The following CDH9 variants were observed in gnomAD, a reference collection of about 807,000 sequenced individuals.
The protein encoded by CDH9 is cadherin-9.
Under a neutral mutation model 70.9 loss-of-function variants are expected in CDH9, and 28 were observed. The ratio of observed to expected loss-of-function variants is 0.40; its 90% CI spans 0.29 to 0.54. The LOEUF (loss-of-function observed/expected upper bound fraction) is 0.54. CDH9 is among the 20% of genes least tolerant of loss of function. The pLI, the probability that CDH9 is intolerant of heterozygous loss-of-function variation, is 0.59. For synonymous variants in CDH9, 409 were observed against 343.1 expected (o/e 1.19, Z -2.12); for missense variants, 874 against 984.4 (o/e 0.89, Z 1.50).
intron 2 of CDH9, among the ~76,000 whole-genome samples, chr5:26,974,153 A>G (rs985895688): frequency 6.6e-6 from 1 of 152,132 alleles, no homozygotes; most frequent in African/African-American, 2.4e-5. Flanking sequence ...CTGAGACTAG[A>G]GAATCGCTTG....
chr5:26,983,951 G>A (rs929554947), intron 2 of CDH9, among the ~76,000 whole-genome samples: 1 of 152,002 alleles, frequency 6.6e-6, no homozygotes, highest in Non-Finnish European at 1.5e-5. Flanking sequence ...GCACAAACTA[G>A]CATATGTAAA....
At chr5:26,985,344 T>C (rs944399351) in intron 2 of CDH9, among the ~76,000 whole-genome samples, 2 of 152,042 alleles carry the variant, frequency 1.3e-5, no homozygotes, top group Non-Finnish European at 2.9e-5. Flanking sequence ...TTAATGACAA[T>C]GTAAATCAAC....
At chr5:26,929,053 A>T (rs1741395335) in intron 2 of CDH9, among the ~76,000 whole-genome samples, 1 of 152,076 alleles carries the variant, frequency 6.6e-6, no homozygotes. Context: ...AAGCAAAGAG[A>T]CAACCTAAAG....
intron 7 of CDH9, among the ~76,000 whole-genome samples, chr5:26,899,890 T>G (rs1019697178): frequency 6.1e-5 from 9 of 147,620 alleles, no homozygotes; most frequent in South Asian, 2.1e-4. Flanking sequence ...AAGAAAAAAA[T>G]AAGCAAAAAA....
intron 2 of CDH9, among the ~76,000 whole-genome samples, chr5:26,917,669 T>C (rs1040185146): frequency 6.6e-6 from 1 of 152,130 alleles, no homozygotes; most frequent in African/African-American, 2.4e-5. Context: ...CTCTGAAATA[T>C]CTTCTCAAGA....
intron 1 of CDH9, chr5:27,028,370 C>A (rs1743256003): frequency 1.3e-5 from 2 of 150,194 alleles, no homozygotes; most frequent in South Asian, 4.2e-4. Flanking sequence ...CAGAATGAGA[C>A]CTGTCTCAAA....
intron 2 of CDH9, among the ~76,000 whole-genome samples, chr5:26,943,290 T>C (rs1373504065): frequency 6.6e-6 from 1 of 152,042 alleles, no homozygotes. Context: ...GGCGGGCAGA[T>C]CACCTGAGGT....
chr5:26,916,948 C>T (rs1741159819), intron 2 of CDH9, among the ~76,000 whole-genome samples: 1 of 151,866 alleles, frequency 6.6e-6, no homozygotes, highest in Non-Finnish European at 1.5e-5. Flanking sequence ...ATTATGTTTT[C>T]ATAAATTATC....
intron 7 of CDH9, among the ~76,000 whole-genome samples, chr5:26,899,184 G>A: frequency 6.6e-6 from 1 of 152,152 alleles, no homozygotes; most frequent in Admixed American, 6.6e-5. Flanking sequence ...ACGCTGGAGA[G>A]TATGTGGAGA....
At chr5:26,968,270 T>C (rs1742161668) in intron 2 of CDH9, among the ~76,000 whole-genome samples, 1 of 150,436 alleles carries the variant, frequency 6.6e-6, no homozygotes, top group African/African-American at 2.4e-5. Flanking sequence ...CTGGAATTGA[T>C]GGTGTCTGAG....
chr5:26,903,116 T>C (rs1425360814), intron 6 of CDH9: 1 of 192,076 alleles, frequency 5.2e-6, no homozygotes, highest in Admixed American at 5.8e-5. Context: ...CTTCAATTAT[T>C]TGAGCACTTG....
At chr5:26,925,408 C>A (rs1407590809) in intron 2 of CDH9, among the ~76,000 whole-genome samples, 1 of 151,990 alleles carries the variant, frequency 6.6e-6, no homozygotes, top group African/African-American at 2.4e-5. Context: ...TTGTTTTATT[C>A]TTGTAAGTTT....
At chr5:26,943,512 C>CAAAAAAAA (rs5866812) in intron 2 of CDH9, among the ~76,000 whole-genome samples, 1 of 122,204 alleles carries the variant, frequency 8.2e-6, no homozygotes, top group Non-Finnish European at 1.7e-5. Flanking sequence ...GACTCCATCT[C>CAAAAAAAA]AAAAAAAAAA....
At chr5:26,898,352 G>T (rs1740790012) in intron 7 of CDH9, among the ~76,000 whole-genome samples, 1 of 152,030 alleles carries the variant, frequency 6.6e-6, no homozygotes, top group Non-Finnish European at 1.5e-5. Flanking sequence ...CCAAAAAAGA[G>T]CCCTTATAGC....
intron 2 of CDH9, among the ~76,000 whole-genome samples, chr5:26,925,341 T>A (rs928960723): frequency 3.9e-5 from 6 of 152,216 alleles, no homozygotes; most frequent in Non-Finnish European, 7.3e-5. Context: ...GCTGCATAAA[T>A]GTCTTCTTTT....
intron 1 of CDH9, among the ~76,000 whole-genome samples, chr5:27,023,313 T>C (rs543202784): frequency 1.3e-5 from 2 of 152,134 alleles, no homozygotes; most frequent in South Asian, 2.1e-4. Context: ...GGAGGCTCGG[T>C]TGATTCATCA....
intron 2 of CDH9, among the ~76,000 whole-genome samples, chr5:26,954,765 T>C (rs1741916837): frequency 6.6e-6 from 1 of 152,104 alleles, no homozygotes; most frequent in African/African-American, 2.4e-5. Flanking sequence ...GTGGTGAAGA[T>C]AATGGTAGAA....
At chr5:26,989,406 T>C (rs1339393044) in intron 1 of CDH9, among the ~76,000 whole-genome samples, 1 of 152,088 alleles carries the variant, frequency 6.6e-6, no homozygotes. Context: ...AAATTAAGTG[T>C]GGAAAAGAAA....
chr5:27,031,792 C>T (rs367783815), intron 1 of CDH9, among the ~76,000 whole-genome samples: 2 of 151,852 alleles, frequency 1.3e-5, no homozygotes, highest in Non-Finnish European at 2.9e-5. Flanking sequence ...TGGACTCCCA[C>T]GCCTCTCGTG....
Sources: allele counts gnomAD v4.1 joint callset (sites outside exome capture counted in the v4.1 genomes callset), GRCh38; gene constraint gnomAD v4.1.1; transcripts MANE v1.5; gene names NCBI Gene and HGNC (gene_info 2026-07-23, HGNC 2026-07-21).